KLHL4: variants seen among roughly 807,000 people sequenced by gnomAD.
KLHL4 encodes the protein kelch-like protein 4.
KLHL4 carries 17 observed loss-of-function variants against 45.8 expected under a neutral mutation model. That is an observed-to-expected ratio of 0.37 (90% CI 0.25 to 0.56). KLHL4 has a LOEUF of 0.56. KLHL4 is among the 20% of genes least tolerant of loss of function. The probability of loss-of-function intolerance (pLI) is 0.79; values close to 1 mark genes in which losing one functional copy is unlikely to be tolerated. For missense variants in KLHL4, 544 were observed against 544.9 expected (o/e 1.00, Z 0.02); for synonymous variants, 224 against 189.9 (o/e 1.18, Z -1.47).
At chrX:87,633,500 A>C (rs943367385) in intron 7 of KLHL4, among the ~76,000 whole-genome samples, 9 of 111,785 alleles carry the variant, frequency 8.1e-5, no homozygotes, top group African/African-American at 2.9e-4. Context: ...GGTGCATTCT[A>C]CTGCCTCTTT....
At chrX:87,532,063 C>A (rs1389353501) in intron 1 of KLHL4, among the ~76,000 whole-genome samples, 2 of 109,892 alleles carry the variant, frequency 1.8e-5, no homozygotes, top group Non-Finnish European at 3.8e-5. Context: ...GGAGGCATCA[C>A]ACTACCTGAC....
chrX:87,639,635 T>A (rs1923384816), intron 9 of KLHL4, among the ~76,000 whole-genome samples: 2 of 110,954 alleles, frequency 1.8e-5, no homozygotes, highest in Admixed American at 9.6e-5. Context: ...GAAATCAAGA[T>A]TGAAATAAAA....
intron 1 of KLHL4, among the ~76,000 whole-genome samples, chrX:87,586,777 C>A (rs899757195): frequency 9.0e-6 from 1 of 110,909 alleles, no homozygotes; most frequent in Non-Finnish European, 1.9e-5. Context: ...TAATAAAAAT[C>A]AGAGCTAAAA....
At chrX:87,587,029 G>C (rs1921497339) in intron 1 of KLHL4, among the ~76,000 whole-genome samples, 1 of 106,296 alleles carries the variant, frequency 9.4e-6, no homozygotes, top group Admixed American at 1.0e-4. Flanking sequence ...GGAAGAATTT[G>C]ACAAATTCCT....
At chrX:87,530,384 A>G (rs1164771792) in intron 1 of KLHL4, among the ~76,000 whole-genome samples, 1 of 103,399 alleles carries the variant, frequency 9.7e-6, no homozygotes, top group East Asian at 3.3e-4. Context: ...CTCGTCATCT[A>G]GCACTAGGTA....
chrX:87,663,197 T>A (rs1255311502), intron 9 of KLHL4, among the ~76,000 whole-genome samples: 1 of 111,016 alleles, frequency 9.0e-6, no homozygotes, highest in African/African-American at 3.3e-5. Context: ...TTACTCTATG[T>A]GGGAAAATAA....
At chrX:87,562,213 G>A (rs1932113825) in intron 1 of KLHL4, among the ~76,000 whole-genome samples, 1 of 110,234 alleles carries the variant, frequency 9.1e-6, no homozygotes, top group African/African-American at 3.3e-5. Flanking sequence ...CATTGGGAGA[G>A]ATTTCTTCTT....
At chrX:87,530,396 A>G (rs1416626314) in intron 1 of KLHL4, among the ~76,000 whole-genome samples, 3 of 100,021 alleles carry the variant, frequency 3.0e-5, no homozygotes, top group Non-Finnish European at 6.0e-5. Flanking sequence ...CACTAGGTAT[A>G]TCTCCCAATG....
At chrX:87,532,942 C>A (rs1298139955) in intron 1 of KLHL4, among the ~76,000 whole-genome samples, 5 of 109,273 alleles carry the variant, frequency 4.6e-5, no homozygotes, top group African/African-American at 1.7e-4. Context: ...CGCCAAAAAA[C>A]ACATGAAAAA....
At chrX:87,560,795 T>TC (rs1932080774) in intron 1 of KLHL4, among the ~76,000 whole-genome samples, 1 of 112,029 alleles carries the variant, frequency 8.9e-6, no homozygotes, top group Non-Finnish European at 1.9e-5. Flanking sequence ...ATTTCATTTT[T>TC]AATTCTTAAC....
rs183165590 is a variant in KLHL4, at chrX:87,553,067, C to T, written c.422+34752C>T. On this transcript the variant is annotated intron_variant, in intron 1 of 10. Coordinates refer to ENST00000373119, the MANE Select transcript of KLHL4 (RefSeq NM_019117.5). Reference sequence around the variant, plus strand: ...CCTGTAACAAAACTTCTCATGTACACACTAAATATGTGCACCTACTGTGTA... The same window carrying T: ...CCTGTAACAAAACTTCTCATGTACATACTAAATATGTGCACCTACTGTGTA... Among the ~76,000 whole-genome samples the T allele has an allele frequency of 7.5e-3, 823 of 110,362 alleles. 6 individuals are homozygous for T. Among genetic ancestry groups the T allele is most frequent in the African/African-American group, 0.026 (785 of 30,516 alleles).
chrX:87,528,458 T>G (rs1931160310), intron 1 of KLHL4, among the ~76,000 whole-genome samples: 1 of 110,592 alleles, frequency 9.0e-6, no homozygotes, highest in South Asian at 3.8e-4. Context: ...GGCTAATGCC[T>G]GTAATCCCAG....
intron 1 of KLHL4, among the ~76,000 whole-genome samples, chrX:87,551,579 A>ATAGG (rs1569339568): frequency 5.5e-5 from 6 of 109,053 alleles, no homozygotes; most frequent in African/African-American, 2.0e-4. Context: ...AGATAGATAA[A>ATAGG]TAGATAGGTA....
At chrX:87,663,749 A>G (rs1436373572) in intron 9 of KLHL4, among the ~76,000 whole-genome samples, 1 of 112,337 alleles carries the variant, frequency 8.9e-6, no homozygotes, top group Non-Finnish European at 1.9e-5. Flanking sequence ...ATGACACTCA[A>G]TGATATAGAA....
At chrX:87,524,815 G>A (rs1931076435) in intron 1 of KLHL4, among the ~76,000 whole-genome samples, 1 of 111,522 alleles carries the variant, frequency 9.0e-6, no homozygotes, top group Admixed American at 9.6e-5. Flanking sequence ...AATTGAGTGC[G>A]GGGTATGTGG....
At chrX:87,534,227 C>G (rs181232216) in intron 1 of KLHL4, among the ~76,000 whole-genome samples, 123 of 111,205 alleles carry the variant, frequency 1.1e-3, no homozygotes, top group Non-Finnish European at 2.1e-3. Context: ...TCTTGGACTT[C>G]ACTATGCCCA....
intron 1 of KLHL4, among the ~76,000 whole-genome samples, chrX:87,555,438 T>G (rs1931948113): frequency 9.0e-6 from 1 of 111,629 alleles, no homozygotes; most frequent in Admixed American, 9.6e-5. Flanking sequence ...CTTCCTGTTT[T>G]AGTCTTGGGA....
At position 87,609,170 on chromosome X, in the gene KLHL4, T is replaced by A. The variant is rs753669061; in HGVS notation, c.423-4707T>A. Among the ~76,000 whole-genome samples the A allele has an allele frequency of 1.7e-4, 19 of 112,073 alleles. No homozygotes were observed. The South Asian group carries it at 7.0e-3, about 42-fold the overall frequency. On this transcript the variant is annotated intron_variant, in intron 1 of 10. Coordinates refer to ENST00000373119, the MANE Select transcript of KLHL4 (RefSeq NM_019117.5). ...AATCCAGTCTGTCATTGTTGGACATTTGGGTTGGTTCCAAGTCTTTGCTAC... is the reference window on the plus strand; with the variant it reads ...AATCCAGTCTGTCATTGTTGGACATATGGGTTGGTTCCAAGTCTTTGCTAC...
At chrX:87,583,549 C>A (rs766890855) in intron 1 of KLHL4, among the ~76,000 whole-genome samples, 133 of 112,012 alleles carry the variant, frequency 1.2e-3, no homozygotes, top group African/African-American at 4.2e-3. Flanking sequence ...CCCTAGCTCC[C>A]AGACATTTCT....
Sources: allele counts gnomAD v4.1 joint callset (sites outside exome capture counted in the v4.1 genomes callset), GRCh38; gene constraint gnomAD v4.1.1; transcripts MANE v1.5; gene names NCBI Gene and HGNC (gene_info 2026-07-23, HGNC 2026-07-21).